Variants in IPO5 observed in about 807,000 individuals in gnomAD.
IPO5 encodes importin 5, also known as importin-5.
Under a neutral mutation model 143.3 loss-of-function variants are expected in IPO5, and 18 were observed. That is an observed-to-expected ratio of 0.13 (90% CI 0.09 to 0.19). The LOEUF is 0.19. IPO5 is among the 10% of genes least tolerant of loss of function. The pLI, the probability that IPO5 is intolerant of heterozygous loss-of-function variation, is 1.00. For synonymous variants in IPO5, 477 were observed against 465.7 expected, an observed-to-expected ratio of 1.02 and a Z score of -0.31; for missense variants, 1,013 against 1,336.9, an observed-to-expected ratio of 0.76 and a Z score of 3.78.
Position 98,014,093 on chromosome 13 carries a change from G to A in IPO5, c.2204G>A (p.Arg735Lys), listed in dbSNP as rs1178750110. ...ATGCCTCTTCTCCTGGAGTGTGCAA[G>A]AGTCCGTGGTCCTGAGTATCTCACA... Reference protein sequence around the residue: ...ESMPLLLECARVRGPEYLTQM... With the variant: ...ESMPLLLECAKVRGPEYLTQM... The change falls in exon 22 of 29, where the codon AGA (arginine) becomes AAA (lysine). Residue 735 changes from arginine (R) to lysine (K), a missense_variant. By Grantham distance (26) the Arg-to-Lys change is conservative. This residue lies in a region of IPO5 where 685 missense variants were observed against 994.9 expected (regional missense o/e 0.69). Coordinates refer to ENST00000651721, the MANE Select transcript of IPO5 (RefSeq NM_002271.6). 6.2e-7 allele frequency: 1 copy of A among 1,613,948 alleles called. No homozygotes were observed. The highest frequency in any genetic ancestry group is 1.3e-5 in the African/African-American group (1 of 74,900).
At chr13:98,012,443 T>C in intron 21 of IPO5, 101 bp downstream of exon 21, 2 of 754,764 alleles carry the variant, frequency 2.6e-6, no homozygotes. Flanking sequence ...TCACCATGAT[T>C]GTTTGTATTT....
chr13:97,989,202 T>C (rs922468654), intron 7 of IPO5, 38 bp downstream of exon 7: 1 of 1,141,880 alleles, frequency 8.8e-7, no homozygotes, highest in South Asian at 1.3e-5. Context: ...ACATTTGATT[T>C]AATGAATGCC....
At chr13:97,982,998 G>A (rs1337131028) in intron 5 of IPO5, among the ~76,000 whole-genome samples, 1 of 152,206 alleles carries the variant, frequency 6.6e-6, no homozygotes, top group Non-Finnish European at 1.5e-5. Context: ...AGCTTCCCGA[G>A]TAACTGGGAT....
Position 98,022,039 on chromosome 13 carries a change from G to A in IPO5, c.*217G>A, listed in dbSNP as rs945639774. 3 of 400,314 alleles carry A rather than the reference G, an allele frequency of 7.5e-6. No individual in the cohort carries two copies. The highest frequency in any genetic ancestry group is 3.6e-4 in the Middle Eastern group (1 of 2,812). The allele number at this position is 400,314 out of a possible 1,614,324, so 24.8% of individuals were successfully genotyped here. ...CTGAAGGAGTTCCTGGAAGCCCTGC[G>A]GTAGCTAGCACTGAAGACTATTTTT... is the stretch of plus-strand genomic sequence containing the variant. On this transcript the variant is annotated 3_prime_UTR_variant, in exon 29 of 29. Transcript: ENST00000651721.
intron 4 of IPO5, among the ~76,000 whole-genome samples, chr13:97,978,434 A>G (rs1180318320): frequency 1.3e-5 from 2 of 152,204 alleles, no homozygotes; most frequent in Non-Finnish European, 2.9e-5. Context: ...TAAAAATAGT[A>G]CTATGCGCAG....
At chr13:98,013,261 T>A (rs1168705398) in intron 21 of IPO5, among the ~76,000 whole-genome samples, 1 of 152,184 alleles carries the variant, frequency 6.6e-6, no homozygotes, top group African/African-American at 2.4e-5. Context: ...TGTTTTTAAG[T>A]AGAGACGGGC....
chr13:97,976,642 A>G, intron 3 of IPO5, 51 bp from the exon 4 acceptor site: 8 of 584,648 alleles, frequency 1.4e-5, no homozygotes, highest in Non-Finnish European at 2.0e-5. Context: ...GCGGCCCGCG[A>G]GCGCGCCTCA....
intron 3 of IPO5, among the ~76,000 whole-genome samples, chr13:97,970,376 T>C (rs917016529): frequency 1.3e-5 from 2 of 151,980 alleles, no homozygotes; most frequent in Non-Finnish European, 2.9e-5. Context: ...ATCCCAGCAC[T>C]TTGGGAGGCC....
At chr13:98,017,457 A>G (rs994238059) in intron 25 of IPO5, among the ~76,000 whole-genome samples, 15 of 151,590 alleles carry the variant, frequency 9.9e-5, no homozygotes, top group Non-Finnish European at 2.1e-4. Flanking sequence ...ACGCCACCAC[A>G]CCCGACGAAT....
chr13:98,005,237 A>C (rs888307463), intron 16 of IPO5, among the ~76,000 whole-genome samples: 4 of 150,696 alleles, frequency 2.7e-5, no homozygotes, highest in African/African-American at 9.8e-5. Context: ...TGCTCTTGTC[A>C]ACCCAGCTGG....
chr13:97,953,863 G>A (rs1300004151), intron 1 of IPO5, 147 bp downstream of exon 1: 1 of 454,740 alleles, frequency 2.2e-6, no homozygotes, highest in South Asian at 1.6e-5. Flanking sequence ...CGTCACCACA[G>A]TCATACCCAA....
intron 21 of IPO5, among the ~76,000 whole-genome samples, chr13:98,013,105 A>T (rs1490518052): frequency 6.6e-6 from 1 of 152,146 alleles, no homozygotes; most frequent in Non-Finnish European, 1.5e-5. Context: ...TGCCCAGGCT[A>T]GAGTGCATGG....
At chr13:97,974,193 G>T (rs921047985) in intron 3 of IPO5, among the ~76,000 whole-genome samples, 1 of 152,006 alleles carries the variant, frequency 6.6e-6, no homozygotes, top group Non-Finnish European at 1.5e-5. Context: ...AACACATATC[G>T]CAACAGGTGT....
At chr13:98,009,075 G>A (rs543105765) in intron 18 of IPO5, among the ~76,000 whole-genome samples, 44 of 152,210 alleles carry the variant, frequency 2.9e-4, no homozygotes, top group Non-Finnish European at 5.6e-4. Context: ...GCTGTAGGGA[G>A]GGGTGGTAAG....
At chr13:98,000,277 T>G (rs1888654987) in intron 12 of IPO5, among the ~76,000 whole-genome samples, 3 of 151,412 alleles carry the variant, frequency 2.0e-5, no homozygotes, top group African/African-American at 7.3e-5. Flanking sequence ...AGAGCGAGAC[T>G]CTGTCTCAAA....
At chr13:97,982,138 C>T (rs1392023738) in intron 4 of IPO5, 6 of 181,666 alleles carry the variant, frequency 3.3e-5, no homozygotes, top group Non-Finnish European at 5.7e-5. Context: ...AACAGTTTCT[C>T]ATGATGTAAG....
At chr13:97,979,747 G>C (rs1262118019) in intron 4 of IPO5, 1 of 388,128 alleles carries the variant, frequency 2.6e-6, no homozygotes, top group Non-Finnish European at 5.1e-6. Context: ...GCCCAGGCTG[G>C]TCTTGAACTC....
rs997565402 is a variant in IPO5 at position 98,022,489 on chromosome 13, C to T, written c.*667C>T. 1.3e-5 allele frequency: 2 copies of T among 152,576 alleles called. No homozygotes were observed. Among genetic ancestry groups the T allele is most frequent in the Non-Finnish European group, 2.9e-5 (2 of 68,034 alleles). The allele number at this position is 152,576 out of a possible 1,614,324, so 9.5% of individuals were successfully genotyped here. On this transcript the variant is annotated 3_prime_UTR_variant, in exon 29 of 29. Transcript: ENST00000651721. ...TAAACAACATTGAATACAAAAGAGGCTTGTGTAAAAACTCAGTACTGTCTG... is the reference window on the plus strand; with the variant it reads ...TAAACAACATTGAATACAAAAGAGGTTTGTGTAAAAACTCAGTACTGTCTG...
rs1172108948 is a variant in IPO5, at chr13:98,008,147, G to A, written c.1800+5G>A. 1.3e-6 allele frequency: 2 copies of A among 1,582,664 alleles called. No individual in the cohort carries two copies. Among genetic ancestry groups the A allele is most frequent in the Non-Finnish European group, 1.7e-6 (2 of 1,151,482 alleles). ...ATGGAAGATGATGATCCTCAGGTAA[G>A]TGGTCTTAATGCATTTGCTTTGATC... is the stretch of plus-strand genomic sequence containing the variant. On this transcript the variant is annotated splice_donor_5th_base_variant and intron_variant, in intron 18 of 28. Transcript: ENST00000651721.
Sources: allele counts gnomAD v4.1 joint callset (sites outside exome capture counted in the v4.1 genomes callset), GRCh38; gene constraint gnomAD v4.1.1; regional missense constraint gnomAD v4.1.1; transcripts MANE v1.5; gene names NCBI Gene and HGNC (gene_info 2026-07-23, HGNC 2026-07-21).